Variants in NDRG3 observed in about 807,000 individuals in gnomAD.
NDRG3 encodes the protein NDRG family member 3.
Under a neutral mutation model 57.2 loss-of-function variants are expected in NDRG3, and 23 were observed. That is an observed-to-expected ratio of 0.40 (90% CI 0.29 to 0.57). The LOEUF (loss-of-function observed/expected upper bound fraction) is 0.57, where lower values mean the gene tolerates loss of function less well. NDRG3 is among the 20% of genes least tolerant of loss of function. The pLI, the probability that NDRG3 is intolerant of heterozygous loss-of-function variation, is 0.42. For missense variants in NDRG3, 384 were observed against 457.3 expected (o/e 0.84, Z 1.46); for synonymous variants, 132 against 162.6 (o/e 0.81, Z 1.43).
chr20:36,688,601 G>C, intron 4 of NDRG3, 78 bp downstream of exon 4: 2 of 1,073,016 alleles, frequency 1.9e-6, no homozygotes, highest in South Asian at 1.3e-5. Context: ...TGCTCTATTA[G>C]AATATTGTTG....
At chr20:36,677,088 G>A (rs1484242402) in intron 8 of NDRG3, among the ~76,000 whole-genome samples, 1 of 152,224 alleles carries the variant, frequency 6.6e-6, no homozygotes, top group Admixed American at 6.5e-5. Context: ...CTGGGCCTCT[G>A]GCTCCGGGAA....
At chr20:36,662,419 T>C (rs1390733800) in intron 12 of NDRG3, among the ~76,000 whole-genome samples, 1 of 152,120 alleles carries the variant, frequency 6.6e-6, no homozygotes, top group East Asian at 1.9e-4. Flanking sequence ...GGTTTCGCCA[T>C]GTTGGCCAGG....
At chr20:36,715,004 GTGTATATA>G (rs1189947568) in intron 2 of NDRG3, among the ~76,000 whole-genome samples, 1,288 of 32,080 alleles carry the variant, frequency 0.04, 11 homozygotes, top group Non-Finnish European at 0.051. Context: ...GTGTGTGTGT[GTGTATATA>G]TATATATATA....
At chr20:36,723,346 G>A (rs954829143) in intron 1 of NDRG3, among the ~76,000 whole-genome samples, 5 of 152,118 alleles carry the variant, frequency 3.3e-5, no homozygotes, top group Middle Eastern at 3.2e-3. Context: ...GGGATAGGCT[G>A]CAAATACTCA....
chr20:36,680,675 G>A (rs1981201656), intron 8 of NDRG3, 141 bp downstream of exon 8: 2 of 598,210 alleles, frequency 3.3e-6, no homozygotes, highest in Non-Finnish European at 5.9e-6. Context: ...TTGATTGGAT[G>A]GTGATTTTAT....
chr20:36,739,802 C>T (rs1568677318), intron 1 of NDRG3, among the ~76,000 whole-genome samples: 1 of 148,066 alleles, frequency 6.8e-6, no homozygotes, highest in Non-Finnish European at 1.5e-5. Flanking sequence ...CCCAGCTACT[C>T]GGGAGGCTGA....
chr20:36,734,012 A>T (rs573417042), intron 1 of NDRG3, among the ~76,000 whole-genome samples: 1 of 152,230 alleles, frequency 6.6e-6, no homozygotes, highest in Non-Finnish European at 1.5e-5. Context: ...GTGAGCTAAA[A>T]CACTGAGGCA....
chr20:36,734,138 T>C (rs1032357955), intron 1 of NDRG3, among the ~76,000 whole-genome samples: 3 of 151,740 alleles, frequency 2.0e-5, no homozygotes, highest in Non-Finnish European at 2.9e-5. Context: ...GGCAGGCGGA[T>C]CACCTTTGCA....
chr20:36,682,490 T>A, intron 7 of NDRG3, 28 bp downstream of exon 7: 1 of 1,584,684 alleles, frequency 6.3e-7, no homozygotes, highest in Non-Finnish European at 8.7e-7. Flanking sequence ...GCCTCAAGGA[T>A]GTTGAGGCTA....
chr20:36,730,686 GC>G (rs1275008624), intron 1 of NDRG3, among the ~76,000 whole-genome samples: 3 of 152,084 alleles, frequency 2.0e-5, no homozygotes, highest in African/African-American at 4.8e-5. Context: ...AGTGGCTCAT[GC>G]CTATAATCCT....
intron 1 of NDRG3, among the ~76,000 whole-genome samples, chr20:36,743,132 T>C (rs1293858839): frequency 6.6e-6 from 1 of 152,182 alleles, no homozygotes; most frequent in Non-Finnish European, 1.5e-5. Flanking sequence ...ACCCTGTACA[T>C]CGAAATAGCA....
chr20:36,737,933 G>A (rs968019990), intron 1 of NDRG3, among the ~76,000 whole-genome samples: 5 of 148,024 alleles, frequency 3.4e-5, no homozygotes, highest in African/African-American at 5.0e-5. Context: ...GCATGGTGGC[G>A]GTCACCTGTT....
chr20:36,743,054 T>C (rs922411523), intron 1 of NDRG3, among the ~76,000 whole-genome samples: 1 of 152,206 alleles, frequency 6.6e-6, no homozygotes, highest in East Asian at 1.9e-4. Context: ...GGATTTCTCA[T>C]GCATTGAGGG....
At chr20:36,745,617 A>G (rs1986149633) in intron 1 of NDRG3, among the ~76,000 whole-genome samples, 1 of 152,186 alleles carries the variant, frequency 6.6e-6, no homozygotes. Flanking sequence ...GACGGGTGCA[A>G]GGGCTGCTCA....
At chr20:36,730,952 A>G (rs1318042113) in intron 1 of NDRG3, among the ~76,000 whole-genome samples, 1 of 151,884 alleles carries the variant, frequency 6.6e-6, no homozygotes, top group African/African-American at 2.4e-5. Context: ...AAAAAAAAAA[A>G]AGAAAGAAAG....
chr20:36,744,269 C>A (rs1986075302), intron 1 of NDRG3, among the ~76,000 whole-genome samples: 1 of 151,906 alleles, frequency 6.6e-6, no homozygotes, highest in Admixed American at 6.6e-5. Flanking sequence ...TGGATGGAGG[C>A]CTTTGAGTGG....
rs578098982 is a variant in NDRG3 at position 36,677,423 on chromosome 20, C to T, written c.531+3393G>A. ...CACCTCTTCCCGGCCTGCCCATGGC[C>T]GCCCATGGGCCAATCAGCATGCACT... is the stretch of plus-strand genomic sequence containing the variant. On this transcript the variant is annotated intron_variant, in intron 8 of 15. Transcript: ENST00000349004. Among the ~76,000 whole-genome samples the T allele has an allele frequency of 3.3e-5, 5 of 152,298 alleles. No homozygotes were observed. In the East Asian group the frequency reaches 5.8e-4, roughly 18 times the overall value.
At chr20:36,694,050 C>T (rs1982565862) in intron 3 of NDRG3, among the ~76,000 whole-genome samples, 1 of 151,984 alleles carries the variant, frequency 6.6e-6, no homozygotes, top group African/African-American at 2.4e-5. Flanking sequence ...AATCGTAAGG[C>T]AGAGAAAATA....
intron 2 of NDRG3, among the ~76,000 whole-genome samples, chr20:36,715,000 GTGTGTGTA>G (rs796079115): frequency 0.023 from 1,304 of 56,210 alleles, 5 homozygotes; most frequent in East Asian, 0.031. Flanking sequence ...GTGTGTGTGT[GTGTGTGTA>G]TATATATATA....
Sources: gnomAD v4.1 joint callset for allele counts (sites outside exome capture counted in the v4.1 genomes callset) on GRCh38, gnomAD v4.1.1 for gene constraint, MANE v1.5 for transcripts, NCBI Gene and HGNC (gene_info 2026-07-23, HGNC 2026-07-21) for gene names.